PDE4D: variants seen among roughly 807,000 people sequenced by gnomAD.
The protein encoded by PDE4D is phosphodiesterase 4D.
In PDE4D, 24 loss-of-function variants were observed where a neutral mutation model predicts 87.4. The observed-to-expected ratio is 0.27, with a 90% confidence interval of 0.20 to 0.39. The LOEUF (loss-of-function observed/expected upper bound fraction) is 0.39. Among genes scored for constraint, PDE4D ranks in the 10% least tolerant of loss-of-function variants. The pLI, the probability that PDE4D is intolerant of heterozygous loss-of-function variation, is 1.00. For missense variants in PDE4D, 714 were observed against 1,041.0 expected (o/e 0.69, Z 4.32); for synonymous variants, 384 against 383.2 (o/e 1.00, Z -0.02).
At chr5:59,500,284 T>A (rs1183751026) in intron 1 of PDE4D, among the ~76,000 whole-genome samples, 1 of 152,128 alleles carries the variant, frequency 6.6e-6, no homozygotes, top group Non-Finnish European at 1.5e-5. Context: ...TAAACCATTC[T>A]ACCAAAAAGA....
At chr5:59,060,299 A>T (rs10066573) in intron 5 of PDE4D, among the ~76,000 whole-genome samples, 22,798 of 152,082 alleles carry the variant, frequency 0.15, 3,280 homozygotes, top group African/African-American at 0.37. Context: ...TCGGACTGCC[A>T]ACTTTCAGAT....
chr5:59,035,994 A>G (rs1179367600), intron 6 of PDE4D, among the ~76,000 whole-genome samples: 1 of 152,214 alleles, frequency 6.6e-6, no homozygotes, highest in Non-Finnish European at 1.5e-5. Context: ...TCCTGCTTCA[A>G]TGCCATCAAC....
intron 1 of PDE4D, among the ~76,000 whole-genome samples, chr5:60,377,371 C>T (rs1205637019): frequency 6.6e-6 from 1 of 152,196 alleles, no homozygotes; most frequent in African/African-American, 2.4e-5. Flanking sequence ...TAACAATCCT[C>T]TTTATTACTA....
At chr5:59,540,475 A>C (rs1274525961) in intron 1 of PDE4D, among the ~76,000 whole-genome samples, 2 of 152,156 alleles carry the variant, frequency 1.3e-5, no homozygotes, top group Admixed American at 1.3e-4. Flanking sequence ...ATAGCAAAAC[A>C]TGTTTTGCCT....
In PDE4D at chr5:59,050,751, A is replaced by T. The variant is rs1410100117; in HGVS notation, c.809-11780T>A. ...CCAGCCTTGCCATTGTTCTAGTTGT[A>T]TTATCTGAAATAAGCCATTTAAAAG... On this transcript the variant is annotated intron_variant, in intron 5 of 14. Transcript: ENST00000340635. Among the ~76,000 whole-genome samples the T allele has an allele frequency of 2.6e-5, 4 of 152,178 alleles. No individual in the cohort carries two copies. The East Asian group carries it at 7.7e-4, about 29-fold the overall frequency.
chr5:60,074,653 T>A (rs1458111530), intron 2 of PDE4D, among the ~76,000 whole-genome samples: 2 of 152,208 alleles, frequency 1.3e-5, no homozygotes, highest in Non-Finnish European at 2.9e-5. Flanking sequence ...TCTTTGAAGA[T>A]CTCTAAAAAC....
chr5:58,982,231 C>A (rs963966100), intron 11 of PDE4D, among the ~76,000 whole-genome samples: 1 of 152,138 alleles, frequency 6.6e-6, no homozygotes, highest in African/African-American at 2.4e-5. Flanking sequence ...AGAAATAGCA[C>A]CACATATTGG....
intron 1 of PDE4D, chr5:59,218,103 C>CA: frequency 2.9e-6 from 1 of 339,036 alleles, no homozygotes; most frequent in Non-Finnish European, 5.9e-6. Flanking sequence ...GGGGGTTTGG[C>CA]AAAGTAGATT....
intron 1 of PDE4D, among the ~76,000 whole-genome samples, chr5:60,464,649 A>T (rs540023425): frequency 1.3e-5 from 2 of 152,164 alleles, no homozygotes; most frequent in South Asian, 4.1e-4. Context: ...CCATTACAAG[A>T]CAGTCCCTCT....
At chr5:60,011,780 G>A (rs1468343295) in intron 2 of PDE4D, among the ~76,000 whole-genome samples, 1 of 152,054 alleles carries the variant, frequency 6.6e-6, no homozygotes. Flanking sequence ...GCAAAATATG[G>A]AGACCCTGTT....
intron 1 of PDE4D, among the ~76,000 whole-genome samples, chr5:59,803,947 T>A (rs1450828539): frequency 7.9e-5 from 12 of 152,224 alleles, no homozygotes; most frequent in Admixed American, 1.3e-4. Flanking sequence ...GTTACAAACT[T>A]GTATTTTATA....
intron 2 of PDE4D, among the ~76,000 whole-genome samples, chr5:60,026,630 T>C (rs905284885): frequency 6.6e-6 from 1 of 152,160 alleles, no homozygotes; most frequent in African/African-American, 2.4e-5. Flanking sequence ...CTCATCACTT[T>C]CAACACCATG....
intron 5 of PDE4D, among the ~76,000 whole-genome samples, chr5:59,134,194 G>GA (rs1340292901): frequency 1.4e-5 from 2 of 146,818 alleles, no homozygotes; most frequent in South Asian, 2.3e-4. Context: ...GTGAGATTTA[G>GA]AAAAAAAGAT....
intron 1 of PDE4D, among the ~76,000 whole-genome samples, chr5:59,866,914 G>C (rs1214021490): frequency 6.6e-6 from 1 of 152,204 alleles, no homozygotes; most frequent in Non-Finnish European, 1.5e-5. Context: ...CCATCAGACA[G>C]AGTTCTTTCA....
chr5:59,573,882 C>G (rs948763453), intron 1 of PDE4D, among the ~76,000 whole-genome samples: 2 of 149,666 alleles, frequency 1.3e-5, no homozygotes, highest in Non-Finnish European at 3.0e-5. Flanking sequence ...TGCGTAGTCC[C>G]AGCAACTCGG....
intron 1 of PDE4D, among the ~76,000 whole-genome samples, chr5:59,360,791 T>C (rs1339284601): frequency 6.6e-6 from 1 of 152,138 alleles, no homozygotes; most frequent in Non-Finnish European, 1.5e-5. Flanking sequence ...TTGGCAACAG[T>C]AAAACATTAA....
chr5:59,930,432 C>A (rs189984516), intron 3 of PDE4D, among the ~76,000 whole-genome samples: 1 of 152,012 alleles, frequency 6.6e-6, no homozygotes, highest in Non-Finnish European at 1.5e-5. Flanking sequence ...AGTTATGATG[C>A]CACAAGTTAA....
At chr5:60,129,585 T>A (rs544397496) in intron 2 of PDE4D, among the ~76,000 whole-genome samples, 1 of 152,100 alleles carries the variant, frequency 6.6e-6, no homozygotes, top group Non-Finnish European at 1.5e-5. Context: ...AGTTTGTATA[T>A]CCATGAAGCT....
At chr5:59,335,167 A>G (rs1777447832) in intron 1 of PDE4D, among the ~76,000 whole-genome samples, 2 of 152,176 alleles carry the variant, frequency 1.3e-5, no homozygotes, top group African/African-American at 4.8e-5. Context: ...GACAGCAGGA[A>G]CCATGTCGGT....
Sources: gnomAD v4.1 joint callset for allele counts (sites outside exome capture counted in the v4.1 genomes callset) on GRCh38, gnomAD v4.1.1 for gene constraint, MANE v1.5 for transcripts, NCBI Gene and HGNC (gene_info 2026-07-23, HGNC 2026-07-21) for gene names.